DNAH3: variants seen among roughly 807,000 people sequenced by gnomAD.
DNAH3 encodes axonemal beta dynein heavy chain 3.
In DNAH3, 332 loss-of-function variants were observed where a neutral mutation model predicts 432.5. That is an observed-to-expected ratio of 0.77 (90% CI 0.70 to 0.84). The LOEUF is 0.84. DNAH3 is among the 40% of genes least tolerant of loss of function. The probability of loss-of-function intolerance (pLI) is 0.00; values close to 1 mark genes in which losing one functional copy is unlikely to be tolerated. For synonymous variants in DNAH3, 1,956 were observed against 1,900.2 expected (o/e 1.03, Z -0.76); for missense variants, 4,861 against 5,114.0 (o/e 0.95, Z 1.51).
intron 41 of DNAH3, among the ~76,000 whole-genome samples, chr16:21,004,370 CTTTT>C (rs2087173020): frequency 6.6e-6 from 1 of 151,656 alleles, no homozygotes; most frequent in African/African-American, 2.4e-5. Flanking sequence ...CTTTCTTTTT[CTTTT>C]TTCTTTTTTT....
intron 28 of DNAH3, among the ~76,000 whole-genome samples, chr16:21,052,672 C>T (rs2089999585): frequency 1.3e-5 from 2 of 152,188 alleles, no homozygotes; most frequent in African/African-American, 4.8e-5. Flanking sequence ...GAGAGCTGTC[C>T]TTGGCATATG....
intron 20 of DNAH3, 51 bp from the exon 21 acceptor site, chr16:21,075,612 C>A: frequency 7.0e-7 from 1 of 1,426,538 alleles, no homozygotes; most frequent in Non-Finnish European, 9.9e-7. Context: ...AGAGAAGACA[C>A]ATCAAAGGAG....
chr16:21,009,574 T>C (rs2087479163), intron 41 of DNAH3, among the ~76,000 whole-genome samples: 1 of 152,176 alleles, frequency 6.6e-6, no homozygotes, highest in African/African-American at 2.4e-5. Flanking sequence ...TTTGGGAACA[T>C]TTAGGCTAAT....
In DNAH3 at chr16:21,021,052, A is replaced by G. The variant is rs369506583; in HGVS notation, c.5776+919T>C. On this transcript the variant is annotated intron_variant, in intron 40 of 61. Transcript: ENST00000261383. ...CTTTAGTGTTCATCCAAGCTGTAGC[A>G]TGCATCAGAATTTATTTCCTTTTTA... is the stretch of plus-strand genomic sequence containing the variant. Among the ~76,000 whole-genome samples the G allele has an allele frequency of 9.8e-5, 15 of 152,348 alleles. No individual in the cohort carries two copies. The East Asian group carries it at 2.5e-3, about 25-fold the overall frequency.
rs957551339 is a variant in DNAH3 at position 20,941,612 on chromosome 16, T to C, written c.11512-69A>G. ...ACAGGCTGTGGCTTTGGATAAACTT[T>C]AAGTACTGAGCATCTGACTTTTCAA... is the stretch of plus-strand genomic sequence containing the variant. On this transcript the variant is annotated intron_variant, in intron 58 of 61. Transcript: ENST00000261383. The C allele has an allele frequency of 1.7e-5, 26 of 1,566,464 alleles. No homozygotes were observed. In the Admixed American group the frequency reaches 4.2e-4, roughly 25 times the overall value.
chr16:20,992,321 T>A (rs1376524024), intron 44 of DNAH3, among the ~76,000 whole-genome samples: 1 of 152,124 alleles, frequency 6.6e-6, no homozygotes, highest in African/African-American at 2.4e-5. Context: ...ATATCAAGAC[T>A]TTACAGGCTT....
In DNAH3 at chr16:20,997,434, C is replaced by T. The variant is rs751690821; in HGVS notation, c.6450G>A (p.Val2150=). ...GCTCGATGGGTGGCTGGGCCCCATA[C>T]ACCTCTTTGGCTGGCATGTTGAGGT... Residue 2150 remains valine (V), a synonymous_variant, in exon 44 of 62, where the codon GTG becomes GTA. Coordinates refer to ENST00000261383, the Ensembl canonical transcript of DNAH3. 3.7e-6 allele frequency: 6 copies of T among 1,614,034 alleles called. No individual in the cohort carries two copies. The African/African-American group carries it at 4.0e-5, about 11-fold the overall frequency.
At chr16:20,999,620 A>T (rs190103025) in intron 43 of DNAH3, among the ~76,000 whole-genome samples, 8 of 152,338 alleles carry the variant, frequency 5.3e-5, no homozygotes, top group African/African-American at 1.9e-4. Flanking sequence ...AATGTTCTAG[A>T]TATTTGATCT....
chr16:21,041,550 G>A (rs562391866), intron 32 of DNAH3, among the ~76,000 whole-genome samples: 4 of 152,128 alleles, frequency 2.6e-5, no homozygotes, highest in Non-Finnish European at 4.4e-5. Context: ...GTAACAGGGG[G>A]TAGACCATGT....
chr16:21,104,916 G>GTCTAA (rs1365285841), intron 15 of DNAH3, among the ~76,000 whole-genome samples: 3 of 152,158 alleles, frequency 2.0e-5, no homozygotes, highest in African/African-American at 7.2e-5. Context: ...CTGCTTGATT[G>GTCTAA]CCTTCCTAGG....
exon 39 of DNAH3, chr16:21,024,604 T>G (rs748000685): frequency 6.2e-7 from 1 of 1,607,970 alleles, no homozygotes; most frequent in Non-Finnish European, 8.5e-7. Flanking sequence ...ACCAATTCTT[T>G]GTGCTCCTTG....
chr16:20,936,807 T>A (rs1401849812), exon 60 of DNAH3: 2 of 1,613,618 alleles, frequency 1.2e-6, no homozygotes, highest in East Asian at 2.2e-5. Flanking sequence ...TGTCCTTTGA[T>A]GGCTCGGCCA....
At chr16:21,056,991 C>A (rs954473440) in intron 27 of DNAH3, among the ~76,000 whole-genome samples, 1 of 152,170 alleles carries the variant, frequency 6.6e-6, no homozygotes, top group African/African-American at 2.4e-5. Context: ...ATTTATACAG[C>A]AAAATATAGG....
intron 28 of DNAH3, among the ~76,000 whole-genome samples, chr16:21,052,954 T>C (rs2090008104): frequency 6.6e-6 from 1 of 152,174 alleles, no homozygotes; most frequent in African/African-American, 2.4e-5. Context: ...CTAGCTCTTC[T>C]TTTTTCTCTC....
chr16:21,026,867 T>C (rs771615591), intron 38 of DNAH3, among the ~76,000 whole-genome samples, 160 bp downstream of exon 38: 1 of 152,032 alleles, frequency 6.6e-6, no homozygotes, highest in Non-Finnish European at 1.5e-5. Flanking sequence ...GCTGCACATA[T>C]ACCCCCTGGA....
chr16:21,120,772 G>A, exon 11 of DNAH3: 1 of 1,614,118 alleles, frequency 6.2e-7, no homozygotes, highest in Non-Finnish European at 8.5e-7. Context: ...GTGCATGCTG[G>A]GCTCTCCTGG....
At chr16:20,942,431 G>A (rs1474857384) in intron 58 of DNAH3, among the ~76,000 whole-genome samples, 1 of 152,202 alleles carries the variant, frequency 6.6e-6, no homozygotes, top group Non-Finnish European at 1.5e-5. Context: ...GGATGTGGGA[G>A]GCTGGGATGT....
At chr16:21,051,610 G>C (rs1039312703) in intron 29 of DNAH3, 60 bp downstream of exon 29, 2 of 1,553,092 alleles carry the variant, frequency 1.3e-6, no homozygotes, top group Non-Finnish European at 1.8e-6. Context: ...TTCCTCCCCA[G>C]AGTCTTCTTC....
chr16:21,095,482 C>T (rs1162661794), intron 18 of DNAH3, among the ~76,000 whole-genome samples: 2 of 152,064 alleles, frequency 1.3e-5, no homozygotes, highest in Non-Finnish European at 2.9e-5. Flanking sequence ...TAGGAGGAGC[C>T]TCAAAAGGAC....
Sources: allele counts gnomAD v4.1 joint callset (sites outside exome capture counted in the v4.1 genomes callset), GRCh38; gene constraint gnomAD v4.1.1; transcripts MANE v1.5; gene names NCBI Gene and HGNC (gene_info 2026-07-23, HGNC 2026-07-21).